The following CACNA1B variants were observed in gnomAD, a reference collection of about 807,000 sequenced individuals.
The protein encoded by CACNA1B is voltage-dependent N-type calcium channel subunit alpha-1B.
CACNA1B carries 70 observed loss-of-function variants against 247.2 expected under a neutral mutation model. The observed-to-expected ratio is 0.28, with a 90% CI of 0.23 to 0.35. The LOEUF is 0.35. Among genes scored for constraint, CACNA1B ranks in the 10% least tolerant of loss-of-function variants. The pLI is 1.00. For synonymous variants in CACNA1B, 1,231 were observed against 1,294.4 expected (o/e 0.95, Z 1.05); for missense variants, 2,367 against 3,197.4 (o/e 0.74, Z 6.26).
chr9:138,065,673 C>G (rs909607021), intron 31 of CACNA1B, among the ~76,000 whole-genome samples: 1 of 152,182 alleles, frequency 6.6e-6, no homozygotes, highest in Non-Finnish European at 1.5e-5. Context: ...ATCCGAAACA[C>G]AGACCACATT....
chr9:138,009,609 G>A (rs1012747904), intron 16 of CACNA1B, among the ~76,000 whole-genome samples: 1 of 152,342 alleles, frequency 6.6e-6, no homozygotes. Context: ...TCTTGTGCTG[G>A]CCGGGGCTTG....
At chr9:138,022,969 G>T in intron 18 of CACNA1B, 42 bp from the exon 19 acceptor site, 3 of 1,450,446 alleles carry the variant, frequency 2.1e-6, no homozygotes, top group Non-Finnish European at 2.7e-6. Flanking sequence ...AGCGGCGGGC[G>T]GGCGGCAGAC....
intron 31 of CACNA1B, among the ~76,000 whole-genome samples, chr9:138,068,278 G>C (rs1281646605): frequency 1.3e-5 from 2 of 152,210 alleles, no homozygotes; most frequent in Admixed American, 6.5e-5. Context: ...GACGGCTTCG[G>C]AAGTGATGGT....
intron 11 of CACNA1B, among the ~76,000 whole-genome samples, chr9:137,972,703 G>A (rs1381559542): frequency 6.6e-6 from 1 of 152,176 alleles, no homozygotes; most frequent in African/African-American, 2.4e-5. Flanking sequence ...AGCATGGGTG[G>A]GAGAGTGGCT....
At chr9:137,936,505 C>T (rs558625451) in intron 6 of CACNA1B, among the ~76,000 whole-genome samples, 10 of 152,186 alleles carry the variant, frequency 6.6e-5, no homozygotes, top group African/African-American at 1.4e-4. Context: ...CCATCTATTT[C>T]GGCTTTTGTT....
At position 137,957,699 on chromosome 9, in the gene CACNA1B, G is replaced by A. The variant is rs1314220248; in HGVS notation, c.1333+12G>A. 1 of 1,563,726 alleles carries A rather than the reference G, an allele frequency of 6.4e-7. No homozygotes were observed. On this transcript the variant is annotated intron_variant, in intron 10 of 46. Coordinates refer to ENST00000371372, the MANE Select transcript of CACNA1B (RefSeq NM_000718.4). The surrounding 1 kb of genome is among the most constrained non-coding windows in gnomAD (Gnocchi z 4.7). Reference sequence around the variant, plus strand: ...TCTCTGTGCTGTTGGTGAGTCTCAGGGTGTCCCTCCAGCTCTGCCAGGCTT... The same window carrying A: ...TCTCTGTGCTGTTGGTGAGTCTCAGAGTGTCCCTCCAGCTCTGCCAGGCTT...
At chr9:138,009,336 G>T (rs1308941041) in intron 16 of CACNA1B, among the ~76,000 whole-genome samples, 3 of 152,238 alleles carry the variant, frequency 2.0e-5, no homozygotes, top group African/African-American at 7.2e-5. Context: ...CCGTCTCCAC[G>T]GCCTGACGTG....
intron 10 of CACNA1B, among the ~76,000 whole-genome samples, chr9:137,968,298 G>T (rs937124467): frequency 2.0e-5 from 3 of 152,184 alleles, no homozygotes; most frequent in African/African-American, 7.2e-5. Context: ...TTCTGCCTGA[G>T]GACTGGCTGT....
intron 31 of CACNA1B, among the ~76,000 whole-genome samples, chr9:138,067,001 GA>G (rs745610580): frequency 1.3e-5 from 2 of 152,164 alleles, no homozygotes; most frequent in Non-Finnish European, 2.9e-5. Flanking sequence ...AGAAAAATAA[GA>G]AGGTAAAATA....
Position 137,986,666 on chromosome 9 carries a change from C to G in CACNA1B, c.1902-116C>G, listed in dbSNP as rs1383307884. 1 of 1,424,346 alleles carries G rather than the reference C, an allele frequency of 7.0e-7. No individual in the cohort carries two copies. The allele number at this position is 1,424,346 out of a possible 1,614,324, so 88.2% of individuals were successfully genotyped here. A position where few individuals can be genotyped will look rare whatever the true frequency, so the allele number is the denominator to read the frequency against. On this transcript the variant is annotated intron_variant, in intron 14 of 46. Coordinates refer to ENST00000371372, the MANE Select transcript of CACNA1B (RefSeq NM_000718.4). The surrounding 1 kb of genome is among the most constrained non-coding windows in gnomAD (Gnocchi z 6.0). The stretch of plus-strand genomic sequence containing the variant: ...CCCACCAGGAAGGTCCTCAGAGGGG[C>G]CAGTGTGCAGCCATCTGCAGCCTGA...
intron 21 of CACNA1B, among the ~76,000 whole-genome samples, chr9:138,046,486 G>A: frequency 6.6e-6 from 1 of 152,224 alleles, no homozygotes; most frequent in East Asian, 1.9e-4. Context: ...CCTCCCTGCT[G>A]CCCACAGCTG....
chr9:138,100,260 G>A lies in CACNA1B; in HGVS notation c.5223-2451G>A, dbSNP rs980446598. On this transcript the variant is annotated intron_variant, in intron 37 of 46. Coordinates refer to ENST00000371372, the MANE Select transcript of CACNA1B (RefSeq NM_000718.4). This position sits in a 1 kb window ranked among gnomAD's most constrained non-coding sequence, Gnocchi z 4.6. The stretch of plus-strand genomic sequence containing the variant: ...TGCATTGCAGAGGGGCTGCAAGGAA[G>A]GCTGAGACCGTTTGAGAAAGGCATT... Among the ~76,000 whole-genome samples the A allele has an allele frequency of 6.6e-6, 1 of 152,212 alleles. No homozygotes were observed. Among genetic ancestry groups the A allele is most frequent in the African/African-American group, 2.4e-5 (1 of 41,464 alleles).
intron 1 of CACNA1B, among the ~76,000 whole-genome samples, 155 bp downstream of exon 1, chr9:137,878,372 G>A (rs1956866199): frequency 6.6e-6 from 1 of 151,986 alleles, no homozygotes; most frequent in South Asian, 2.1e-4. Context: ...CCTCGGAGCG[G>A]CGGGTGCGGG....
At position 138,120,570 on chromosome 9, in the gene CACNA1B, C is replaced by T. The variant is rs543300746; in HGVS notation, c.6239-61C>T. On this transcript the variant is annotated intron_variant, in intron 45 of 46. Transcript: ENST00000371372. Reference sequence around the variant, plus strand: ...CACCTGAATTCTGTCCTGCTGGGCCCGGGGGTCAGGGGTCCCTGCCTTGGG... The same window carrying T: ...CACCTGAATTCTGTCCTGCTGGGCCTGGGGGTCAGGGGTCCCTGCCTTGGG... The T allele has an allele frequency of 4.9e-4, 721 of 1,456,596 alleles. 5 individuals are homozygous for T. The Middle Eastern group carries it at 6.1e-3, about 12-fold the overall frequency. 90.2% of individuals were successfully genotyped at this position (1,456,596 alleles called of 1,614,324 possible). A position where few individuals can be genotyped will look rare whatever the true frequency, so the allele number is the denominator to read the frequency against.
chr9:138,029,632 A>G (rs1389233680), intron 20 of CACNA1B, among the ~76,000 whole-genome samples: 1 of 132,672 alleles, frequency 7.5e-6, no homozygotes, highest in Non-Finnish European at 1.6e-5. Flanking sequence ...TTTTTTCCAG[A>G]CAGGGTCTCG....
intron 15 of CACNA1B, among the ~76,000 whole-genome samples, chr9:138,005,676 T>C (rs1451745460): frequency 1.3e-5 from 2 of 152,236 alleles, no homozygotes; most frequent in East Asian, 3.8e-4. Context: ...TATTTGATCA[T>C]TGCGCATTGT....
At position 138,014,999 on chromosome 9, in the gene CACNA1B, C is replaced by T. The variant is rs1958772444; in HGVS notation, c.2267+1764C>T. The stretch of plus-strand genomic sequence containing the variant: ...CATCCTTGGGCACAGTGTACATCGA[C>T]ACCACCTGTTGGCCTGAGCACCATG... On this transcript the variant is annotated intron_variant, in intron 18 of 46. Transcript: ENST00000371372. The surrounding 1 kb of genome is among the most constrained non-coding windows in gnomAD (Gnocchi z 6.2). 6.6e-6 allele frequency among the ~76,000 whole-genome samples: 1 copy of T among 152,208 alleles called. No homozygotes were observed. The highest frequency in any genetic ancestry group is 1.9e-4 in the East Asian group (1 of 5,194).
chr9:137,932,787 G>T (rs189277319), intron 6 of CACNA1B, among the ~76,000 whole-genome samples: 38 of 152,296 alleles, frequency 2.5e-4, no homozygotes, highest in African/African-American at 8.7e-4. Context: ...CTTAACCAGG[G>T]ATGGTTTCCA....
At chr9:138,008,260 G>C (rs1329948575) in intron 16 of CACNA1B, among the ~76,000 whole-genome samples, 1 of 152,224 alleles carries the variant, frequency 6.6e-6, no homozygotes, top group Admixed American at 6.5e-5. Flanking sequence ...TCTGCCTCAA[G>C]ACAGAGCAGT....
Sources: allele counts gnomAD v4.1 joint callset (sites outside exome capture counted in the v4.1 genomes callset), GRCh38; gene constraint gnomAD v4.1.1; non-coding constraint Gnocchi (gnomAD v3.1); transcripts MANE v1.5; gene names NCBI Gene and HGNC (gene_info 2026-07-23, HGNC 2026-07-21).